The following LZTS1 variants were observed in gnomAD, a reference collection of about 807,000 sequenced individuals.
LZTS1 encodes the protein leucine zipper tumor suppressor 1.
A neutral mutation model predicts 45.8 loss-of-function variants in LZTS1; 31 were observed. That is an observed-to-expected ratio of 0.68 (90% CI 0.51 to 0.91). LZTS1 has a LOEUF of 0.91. Ranked by LOEUF, LZTS1 falls within the 40% of genes least tolerant of loss-of-function variation. The pLI is 0.00. For synonymous variants in LZTS1, 359 were observed against 357.3 expected (o/e 1.00, Z -0.05); for missense variants, 821 against 788.9 (o/e 1.04, Z -0.49).
Position 20,249,969 on chromosome 8 carries a change from CGCTCCTCCCGCA to C in LZTS1, c.1532_1543del (p.Leu511_Glu514del). 6.2e-7 allele frequency: 1 copy of C among 1,613,954 alleles called. No homozygotes were observed. Among genetic ancestry groups the C allele is most frequent in the Non-Finnish European group, 8.5e-7 (1 of 1,179,918 alleles). The stretch of plus-strand genomic sequence containing the variant: ...CGAGGACATCTGGTCATGGCCTTGC[CGCTCCTCCCGCA>C]GCTCGGCCCGCAGCCGCTCCAGCTC... On this transcript the variant is annotated inframe_deletion, in exon 4 of 4. Coordinates refer to ENST00000381569, the MANE Select transcript of LZTS1 (RefSeq NM_021020.5).
rs1799770203 is a variant in LZTS1, at chr8:20,247,606, G to A, written c.*2116C>T. ...AGCTTGGGACTAAGAGCAATGGTTT[G>A]AAATTCCAGAAAAGCTCCTCTGTCG... On this transcript the variant is annotated 3_prime_UTR_variant, in exon 4 of 4. Transcript: ENST00000381569. 1 of 152,506 alleles carries A rather than the reference G, an allele frequency of 6.6e-6. No homozygotes were observed. The highest frequency in any genetic ancestry group is 6.5e-5 in the Admixed American group (1 of 15,288). 9.4% of individuals were successfully genotyped at this position (152,506 alleles called of 1,614,324 possible). A position where few individuals can be genotyped will look rare whatever the true frequency, so the allele number is the denominator to read the frequency against.
chr8:20,249,979 G>T lies in LZTS1; in HGVS notation c.1534C>A (p.Arg512=), dbSNP rs200655550. Residue 512 remains arginine, a synonymous_variant, in exon 4 of 4, where the codon CGG becomes AGG. Coordinates refer to ENST00000381569, the MANE Select transcript of LZTS1 (RefSeq NM_021020.5). ...TGGTCATGGCCTTGCCGCTCCTCCC[G>T]CAGCTCGGCCCGCAGCCGCTCCAGC... is the stretch of plus-strand genomic sequence containing the variant. ...RELERLRAEL[R]EERQGHDQMS... 6 of 1,613,740 alleles carry T rather than the reference G, an allele frequency of 3.7e-6. No individual in the cohort carries two copies. The highest frequency in any genetic ancestry group is 5.1e-6 in the Non-Finnish European group (6 of 1,179,854).
rs1211213168 is a variant in LZTS1, at chr8:20,251,140, TATATATATAA to T, written c.1150-787_1150-778del. On this transcript the variant is annotated intron_variant, in intron 3 of 3. Transcript: ENST00000381569. ...ATATATATATATATATATATATATA[TATATATATAA>T]AATATAAAGTATAAGAGTAGAGATT... Among the ~76,000 whole-genome samples, 301 of 86,414 alleles carry T rather than the reference TATATATATAA, an allele frequency of 3.5e-3. 17 individuals are homozygous for T. Among genetic ancestry groups the T allele is most frequent in the Middle Eastern group, 0.011 (2 of 180 alleles). The allele number at this position is 86,414 out of a possible 152,430, so 56.7% of individuals were successfully genotyped here. A position where few individuals can be genotyped will look rare whatever the true frequency, so the allele number is the denominator to read the frequency against.
intron 1 of LZTS1, among the ~76,000 whole-genome samples, chr8:20,262,110 C>CA (rs1800245299): frequency 6.6e-6 from 1 of 152,184 alleles, no homozygotes. Flanking sequence ...CATTCCCCCC[C>CA]AGAACTTTTG....
At chr8:20,256,222 A>G (rs1800097639) in intron 1 of LZTS1, among the ~76,000 whole-genome samples, 1 of 152,178 alleles carries the variant, frequency 6.6e-6, no homozygotes, top group Non-Finnish European at 1.5e-5. Context: ...CATGGGAAGC[A>G]GCCTGGCTGG....
intron 1 of LZTS1, among the ~76,000 whole-genome samples, chr8:20,285,101 G>T (rs1432148014): frequency 6.6e-6 from 1 of 152,190 alleles, no homozygotes; most frequent in African/African-American, 2.4e-5. Context: ...GACGCAAAGG[G>T]CTTTACAAAC....
At chr8:20,295,092 A>G (rs1456316131) in intron 1 of LZTS1, among the ~76,000 whole-genome samples, 1 of 152,106 alleles carries the variant, frequency 6.6e-6, no homozygotes, top group Non-Finnish European at 1.5e-5. Flanking sequence ...AACAAATGTT[A>G]TCAGTGACTC....
At chr8:20,269,304 A>C (rs1277304078) in intron 1 of LZTS1, among the ~76,000 whole-genome samples, 1 of 152,096 alleles carries the variant, frequency 6.6e-6, no homozygotes, top group Non-Finnish European at 1.5e-5. Flanking sequence ...GAGTGGGTGC[A>C]ATCTCCAGAG....
Position 20,249,835 on chromosome 8 carries a change from G to T in LZTS1, c.1678C>A (p.Leu560Met), listed in dbSNP as rs1022792305. Residue 560 changes from leucine (L) to methionine (M), a missense_variant, in exon 4 of 4, where the codon CTG (leucine) becomes ATG (methionine). Coordinates refer to ENST00000381569, the MANE Select transcript of LZTS1 (RefSeq NM_021020.5). ...YVAMYQRNQR[L>M]EKALQQLARG... is the part of the protein sequence containing the mutation. The stretch of plus-strand genomic sequence containing the variant: ...GCCAGCTGCTGCAGGGCCTTCTCCA[G>T]GCGCTGGTTCCGCTGGTACATGGCC... 5 of 1,614,204 alleles carry T rather than the reference G, an allele frequency of 3.1e-6. No individual in the cohort carries two copies. In the South Asian group the frequency reaches 5.5e-5, roughly 18 times the overall value.
intron 1 of LZTS1, among the ~76,000 whole-genome samples, chr8:20,299,958 A>T (rs1801047097): frequency 6.6e-6 from 1 of 152,346 alleles, no homozygotes; most frequent in African/African-American, 2.4e-5. Context: ...CCCTGGAACC[A>T]TGTGGCGGCT....
chr8:20,261,496 T>C lies in LZTS1; in HGVS notation c.-134-6181A>G, dbSNP rs369326627. 1.5e-3 allele frequency among the ~76,000 whole-genome samples: 221 copies of C among 152,232 alleles called. 1 individual carries two copies. The highest frequency in any genetic ancestry group is 5.0e-3 in the African/African-American group (208 of 41,532). On this transcript the variant is annotated intron_variant, in intron 1 of 3. Transcript: ENST00000381569. The stretch of plus-strand genomic sequence containing the variant: ...GGGATATTGCAGAAAGCCCTCACTT[T>C]TGAGCGGCTTCTACTCAAAAGTAGT...
intron 1 of LZTS1, among the ~76,000 whole-genome samples, chr8:20,266,840 G>A (rs1800367378): frequency 1.3e-5 from 2 of 152,252 alleles, no homozygotes; most frequent in South Asian, 4.1e-4. Flanking sequence ...AGGCATGGTG[G>A]CTCACACCTG....
chr8:20,301,851 C>G (rs946576900), intron 1 of LZTS1, among the ~76,000 whole-genome samples: 1 of 152,154 alleles, frequency 6.6e-6, no homozygotes, highest in Non-Finnish European at 1.5e-5. Context: ...ACAAGCTGAA[C>G]TGCTGAGACA....
chr8:20,265,310 T>C (rs1394315291), intron 1 of LZTS1, among the ~76,000 whole-genome samples: 2 of 152,024 alleles, frequency 1.3e-5, no homozygotes, highest in East Asian at 3.9e-4. Flanking sequence ...TCCCCCAGGG[T>C]AGCGGCATGG....
rs547968213 is a variant in LZTS1 at position 20,254,750 on chromosome 8, T to G, written c.345+87A>C. On this transcript the variant is annotated intron_variant, in intron 2 of 3. Transcript: ENST00000381569. ...GGAGTCTGAATGCTCAGGTCACCAC[T>G]CCCCCTGAACCCCCAGGCTCTCCAC... is the stretch of plus-strand genomic sequence containing the variant. 1,052 of 1,129,246 alleles carry G rather than the reference T, an allele frequency of 9.3e-4. 2 individuals are homozygous for G. Among genetic ancestry groups the G allele is most frequent in the Middle Eastern group, 3.7e-3 (13 of 3,476 alleles). The allele number at this position is 1,129,246 out of a possible 1,614,324, so 70.0% of individuals were successfully genotyped here. A position where few individuals can be genotyped will look rare whatever the true frequency, so the allele number is the denominator to read the frequency against.
intron 1 of LZTS1, among the ~76,000 whole-genome samples, chr8:20,293,042 G>C (rs778432057): frequency 6.6e-6 from 1 of 151,934 alleles, no homozygotes; most frequent in African/African-American, 2.4e-5. Flanking sequence ...TTGAAGCCTC[G>C]GTCACCCCAG....
chr8:20,276,221 A>T (rs1158256858), intron 1 of LZTS1, among the ~76,000 whole-genome samples: 1 of 129,308 alleles, frequency 7.7e-6, no homozygotes, highest in Non-Finnish European at 1.7e-5. Flanking sequence ...CTGGCATCCT[A>T]AAATCCTTAG....
chr8:20,282,662 G>A (rs1279572896), intron 1 of LZTS1, among the ~76,000 whole-genome samples: 2 of 152,176 alleles, frequency 1.3e-5, no homozygotes, highest in African/African-American at 4.8e-5. Flanking sequence ...CCTGTGTGTG[G>A]TAGGACATTT....
chr8:20,252,812 G>C lies in LZTS1; in HGVS notation c.1119C>G (p.Phe373Leu), dbSNP rs139017329. 2 of 1,537,218 alleles carry C rather than the reference G, an allele frequency of 1.3e-6. No individual in the cohort carries two copies. The highest frequency in any genetic ancestry group is 1.8e-6 in the Non-Finnish European group (2 of 1,141,152). ...LRSYEREKTS[F>L]GPALEETQWE... ...ACTGGGTCTCCTCCAGCGCGGGGCC[G>C]AAGCTGGTCTTCTCCCTCTCGTAGG... is the stretch of plus-strand genomic sequence containing the variant. Residue 373 changes from phenylalanine (F) to leucine (L), a missense_variant, in exon 3 of 4, where the codon TTC (phenylalanine) becomes TTG (leucine). Physicochemically the swap from Phe to Leu is conservative, Grantham distance 22 (BLOSUM62 0). Transcript: ENST00000381569.
Sources: allele counts gnomAD v4.1 joint callset (sites outside exome capture counted in the v4.1 genomes callset), GRCh38; gene constraint gnomAD v4.1.1; transcripts MANE v1.5; gene names NCBI Gene and HGNC (gene_info 2026-07-23, HGNC 2026-07-21).